NT5C1A: variants seen among roughly 807,000 people sequenced by gnomAD.
NT5C1A encodes cytosolic 5'-nucleotidase 1A.
Under a neutral mutation model 31.0 loss-of-function variants are expected in NT5C1A, and 18 were observed. The observed-to-expected ratio is 0.58, with a 90% CI of 0.40 to 0.86. The LOEUF (loss-of-function observed/expected upper bound fraction) is 0.86, where lower values mean the gene tolerates loss of function less well. NT5C1A is among the 40% of genes least tolerant of loss of function. NT5C1A has a pLI of 0.00. For synonymous variants in NT5C1A, 185 were observed against 203.6 expected, an observed-to-expected ratio of 0.91 and a Z score of 0.78; for missense variants, 470 against 505.4, an observed-to-expected ratio of 0.93 and a Z score of 0.67.
chr1:39,651,845 T>TA lies in NT5C1A; in HGVS notation c.*7275dup, dbSNP rs1416365419. 2.0e-5 allele frequency among the ~76,000 whole-genome samples: 3 copies of TA among 151,300 alleles called. No homozygotes were observed. The highest frequency in any genetic ancestry group is 4.4e-5 in the Non-Finnish European group (3 of 67,832). ...AGGAGTTCGAGACCAGCCTGGCCAA[T>TA]ATGGTGAAACCCCATCTCTACTAAA... is the stretch of plus-strand genomic sequence containing the variant. On this transcript the variant is annotated 3_prime_UTR_variant, in exon 6 of 6. Coordinates refer to ENST00000235628, the MANE Select transcript of NT5C1A (RefSeq NM_032526.3).
intron 2 of NT5C1A, 40 bp from the exon 3 acceptor site, chr1:39,665,690 GATTGA>G: frequency 6.3e-7 from 1 of 1,597,980 alleles, no homozygotes; most frequent in Non-Finnish European, 8.5e-7. Flanking sequence ...GACCCCCAAG[GATTGA>G]TACCTGAAGT....
intron 1 of NT5C1A, among the ~76,000 whole-genome samples, 192 bp from the exon 2 acceptor site, chr1:39,666,428 G>A (rs528839637): frequency 3.3e-5 from 5 of 152,364 alleles, no homozygotes; most frequent in South Asian, 4.1e-4. Flanking sequence ...TGGGGGTTGA[G>A]AGAGGTGCTG....
intron 1 of NT5C1A, 101 bp downstream of exon 1, chr1:39,671,803 C>T: frequency 7.0e-7 from 1 of 1,419,000 alleles, no homozygotes; most frequent in South Asian, 1.2e-5. Flanking sequence ...AGCTGCGTCC[C>T]CTCCCAGAGG....
chr1:39,665,876 C>T (rs779109745), intron 2 of NT5C1A, among the ~76,000 whole-genome samples, 193 bp downstream of exon 2: 8 of 152,196 alleles, frequency 5.3e-5, no homozygotes, highest in Non-Finnish European at 7.3e-5. Flanking sequence ...GGTTACCAGG[C>T]GTGGGGCTGC....
rs557016307 is a variant in NT5C1A at position 39,658,451 on chromosome 1, A to C, written c.*670T>G. 3.9e-5 allele frequency among the ~76,000 whole-genome samples: 6 copies of C among 152,344 alleles called. No homozygotes were observed. In the East Asian group the frequency reaches 1.2e-3, roughly 29 times the overall value. ...ACATGGGGGCTGAAATCCAGCCTCT[A>C]TCCTGCTAACTAAGCTGTGTACCCC... On this transcript the variant is annotated 3_prime_UTR_variant, in exon 6 of 6. Transcript: ENST00000235628.
In NT5C1A at chr1:39,654,704, G is replaced by A. The variant is rs1276223051; in HGVS notation, c.*4417C>T. On this transcript the variant is annotated 3_prime_UTR_variant, in exon 6 of 6. Transcript: ENST00000235628. ...CATGTCCCTTCCCTTTGGCAGTGGA[G>A]CCAGCCTCCGCCCACAGATGCATAG... Among the ~76,000 whole-genome samples the A allele has an allele frequency of 6.6e-6, 1 of 152,232 alleles. No homozygotes were observed. The highest frequency in any genetic ancestry group is 1.5e-5 in the Non-Finnish European group (1 of 68,038).
Position 39,651,667 on chromosome 1 carries a change from A to G in NT5C1A, c.*7454T>C, listed in dbSNP as rs558337920. On this transcript the variant is annotated 3_prime_UTR_variant, in exon 6 of 6. Coordinates refer to ENST00000235628, the MANE Select transcript of NT5C1A (RefSeq NM_032526.3). ...GGTTTCATTTTTCATCGTATTCTAT[A>G]TCGGAGGTTATTGAGATGCTCTTAA... is the stretch of plus-strand genomic sequence containing the variant. Among the ~76,000 whole-genome samples, 1 of 152,318 alleles carries G rather than the reference A, an allele frequency of 6.6e-6. No individual in the cohort carries two copies. The highest frequency in any genetic ancestry group is 1.9e-4 in the East Asian group (1 of 5,194).
rs147989286 is a variant in NT5C1A, at chr1:39,663,179, A to C, written c.556+133T>G. ...TAGGACAGATTATAAGAATTAAGGAAAGTATTGCTCAGCCTTGCCTTCTAG... is the reference window on the plus strand; with the variant it reads ...TAGGACAGATTATAAGAATTAAGGACAGTATTGCTCAGCCTTGCCTTCTAG... On this transcript the variant is annotated intron_variant, in intron 4 of 5. Coordinates refer to ENST00000235628, the MANE Select transcript of NT5C1A (RefSeq NM_032526.3). The C allele has an allele frequency of 3.6e-3, 3,410 of 949,794 alleles. 71 individuals are homozygous for C. The South Asian group carries it at 0.038, about 11-fold the overall frequency. The allele number at this position is 949,794 out of a possible 1,614,324, so 58.8% of individuals were successfully genotyped here. A position where few individuals can be genotyped will look rare whatever the true frequency, so the allele number is the denominator to read the frequency against.
At position 39,652,105 on chromosome 1, in the gene NT5C1A, T is replaced by C. The variant is rs190727725; in HGVS notation, c.*7016A>G. Among the ~76,000 whole-genome samples, 363 of 139,052 alleles carry C rather than the reference T, an allele frequency of 2.6e-3. No homozygotes were observed. Among genetic ancestry groups the C allele is most frequent in the Non-Finnish European group, 3.9e-3 (256 of 65,462 alleles). 91.2% of individuals were successfully genotyped at this position (139,052 alleles called of 152,430 possible). ...TACGCAGTTTTGAACACACAAAGGC[T>C]GAGCTAGGTCATCTCTGAGGTCTCT... On this transcript the variant is annotated 3_prime_UTR_variant, in exon 6 of 6. Coordinates refer to ENST00000235628, the MANE Select transcript of NT5C1A (RefSeq NM_032526.3).
Position 39,667,110 on chromosome 1 carries a change from C to T in NT5C1A, c.136-874G>A, listed in dbSNP as rs1157008776. Among the ~76,000 whole-genome samples, 4 of 152,072 alleles carry T rather than the reference C, an allele frequency of 2.6e-5. No homozygotes were observed. The East Asian group carries it at 5.8e-4, about 22-fold the overall frequency. On this transcript the variant is annotated intron_variant, in intron 1 of 5. Coordinates refer to ENST00000235628, the MANE Select transcript of NT5C1A (RefSeq NM_032526.3). ...GAAATAGAAAGCCCTTCACAACAGA[C>T]CCCTACTTCTCTTTCCATTCCCCTC...
intron 3 of NT5C1A, 81 bp from the exon 4 acceptor site, chr1:39,663,515 C>T: frequency 6.9e-7 from 1 of 1,445,384 alleles, no homozygotes; most frequent in Non-Finnish European, 9.6e-7. Flanking sequence ...CAGTGCACAC[C>T]ATCCTAGTTC....
At position 39,658,196 on chromosome 1, in the gene NT5C1A, C is replaced by T. The variant is rs376097979; in HGVS notation, c.*925G>A. Among the ~76,000 whole-genome samples the T allele has an allele frequency of 1.6e-4, 25 of 152,288 alleles. No homozygotes were observed. The highest frequency in any genetic ancestry group is 5.5e-4 in the African/African-American group (23 of 41,570). ...AGCAGGCAGCTACTAATGCTTCTCC[C>T]GGGAAGAGCCTGCAGTGCCCCCTGC... On this transcript the variant is annotated 3_prime_UTR_variant, in exon 6 of 6. Transcript: ENST00000235628.
rs899609114 is a variant in NT5C1A at position 39,655,093 on chromosome 1, C to T, written c.*4028G>A. On this transcript the variant is annotated 3_prime_UTR_variant, in exon 6 of 6. Transcript: ENST00000235628. ...AGTAGCTGGGACTACAGGCGTGCAC[C>T]ACCACGCCCAGCTAATTTTTGTATT... Among the ~76,000 whole-genome samples, 5 of 152,156 alleles carry T rather than the reference C, an allele frequency of 3.3e-5. No individual in the cohort carries two copies. Among genetic ancestry groups the T allele is most frequent in the African/African-American group, 1.2e-4 (5 of 41,448 alleles).
At chr1:39,670,644 A>G (rs908369769) in intron 1 of NT5C1A, among the ~76,000 whole-genome samples, 5 of 152,216 alleles carry the variant, frequency 3.3e-5, no homozygotes, top group Non-Finnish European at 5.9e-5. Flanking sequence ...ATGATCCCCA[A>G]GGCCCTCTGT....
Position 39,655,066 on chromosome 1 carries a change from C to T in NT5C1A, c.*4055G>A, listed in dbSNP as rs937464557. ...AAGTGATCCTCCTGCCTCAGCCTCC[C>T]GAGTAGCTGGGACTACAGGCGTGCA... On this transcript the variant is annotated 3_prime_UTR_variant, in exon 6 of 6. Transcript: ENST00000235628. Among the ~76,000 whole-genome samples the T allele has an allele frequency of 1.8e-4, 27 of 152,130 alleles. No individual in the cohort carries two copies. Among genetic ancestry groups the T allele is most frequent in the African/African-American group, 6.0e-4 (25 of 41,426 alleles).
intron 1 of NT5C1A, among the ~76,000 whole-genome samples, chr1:39,667,874 A>T (rs996298488): frequency 6.6e-6 from 1 of 152,206 alleles, no homozygotes; most frequent in Non-Finnish European, 1.5e-5. Flanking sequence ...TGAATTTTAG[A>T]TTTTACTTCA....
chr1:39,661,410 G>T, intron 4 of NT5C1A, 147 bp from the exon 5 acceptor site: 1 of 495,894 alleles, frequency 2.0e-6, no homozygotes, highest in Non-Finnish European at 3.7e-6. Flanking sequence ...TGTAAAAACT[G>T]GTAGTGCATG....
Position 39,663,413 on chromosome 1 carries a change from C to T in NT5C1A, c.455G>A (p.Cys152Tyr), listed in dbSNP as rs745603019. ...NHYDLFIERFCMTGGNSPICY... is the reference protein window; with the variant it reads ...NHYDLFIERFYMTGGNSPICY... ...GATCGGGCTGTTCCCACCTGTCATG[C>T]AGAACCTCTCGATGAACAGGTCTGG... Residue 152 changes from cysteine (C) to tyrosine (Y), a missense_variant, in exon 4 of 6, where the codon TGC becomes TAC. Transcript: ENST00000235628. 1 of 1,613,994 alleles carries T rather than the reference C, an allele frequency of 6.2e-7. No individual in the cohort carries two copies. The highest frequency in any genetic ancestry group is 2.2e-5 in the East Asian group (1 of 44,888).
chr1:39,662,688 T>C (rs1315586746), intron 4 of NT5C1A, among the ~76,000 whole-genome samples: 1 of 152,202 alleles, frequency 6.6e-6, no homozygotes, highest in East Asian at 1.9e-4. Flanking sequence ...CAGTCCTTGC[T>C]CCTCTATGGG....
Sources: gnomAD v4.1 joint callset for allele counts (sites outside exome capture counted in the v4.1 genomes callset) on GRCh38, gnomAD v4.1.1 for gene constraint, MANE v1.5 for transcripts, NCBI Gene and HGNC (gene_info 2026-07-23, HGNC 2026-07-21) for gene names.